SPARC: variants seen among roughly 807,000 people sequenced by gnomAD.
SPARC encodes the protein secreted protein acidic and cysteine rich.
In SPARC, 23 loss-of-function variants were observed where a neutral mutation model predicts 37.7. That is an observed-to-expected ratio of 0.61 (90% CI 0.44 to 0.87). The LOEUF is 0.87. Ranked by LOEUF, SPARC falls within the 40% of genes least tolerant of loss-of-function variation. The pLI, the probability that SPARC is intolerant of heterozygous loss-of-function variation, is 0.00. For synonymous variants in SPARC, 155 were observed against 150.8 expected (o/e 1.03, Z -0.20); for missense variants, 312 against 389.0 (o/e 0.80, Z 1.66).
At chr5:151,676,516 GT>G (rs1323962625) in intron 1 of SPARC, among the ~76,000 whole-genome samples, 3 of 151,826 alleles carry the variant, frequency 2.0e-5, no homozygotes, top group Admixed American at 6.6e-5. Flanking sequence ...AAGTTGTTTT[GT>G]TTTTTTTATG....
intron 9 of SPARC, 102 bp downstream of exon 9, chr5:151,663,985 C>A (rs879417694): frequency 2.1e-6 from 3 of 1,411,166 alleles, no homozygotes; most frequent in South Asian, 1.2e-5. Flanking sequence ...AGAGGACAGA[C>A]AACAGACAGA....
chr5:151,666,459 G>C lies in SPARC; in HGVS notation c.636C>G (p.Pro212=), dbSNP rs373711192. 6.2e-7 allele frequency: 1 copy of C among 1,614,126 alleles called. No homozygotes were observed. Among genetic ancestry groups the C allele is most frequent in the Admixed American group, 1.7e-5 (1 of 60,016 alleles). ...NEKRLEAGDH[P]VELLARDFEK... ...CGAAGTCCCGGGCCAGCAGCTCCAC[G>C]GGGTGGTCTCCTGCCTCCAGGCGCT... is the stretch of plus-strand genomic sequence containing the variant. Residue 212 remains proline (P), a synonymous_variant, in exon 8 of 10, where the codon CCC becomes CCG. Transcript: ENST00000231061.
Position 151,673,220 on chromosome 5 carries a change from G to C in SPARC, c.121-4C>G. On this transcript the variant is annotated splice_region_variant and splice_polypyrimidine_tract_variant and intron_variant, in intron 3 of 9. Coordinates refer to ENST00000231061, the MANE Select transcript of SPARC (RefSeq NM_003118.4). ...CAGGATTAGCTCCCACAGATACCTG[G>C]AATTGAGGGAGAAGAATGGGTGAAA... 1 of 1,598,082 alleles carries C rather than the reference G, an allele frequency of 6.3e-7. No individual in the cohort carries two copies. The highest frequency in any genetic ancestry group is 8.6e-7 in the Non-Finnish European group (1 of 1,165,320).
chr5:151,673,091 G>C, intron 4 of SPARC, 38 bp downstream of exon 4: 1 of 1,485,394 alleles, frequency 6.7e-7, no homozygotes, highest in South Asian at 1.1e-5. Context: ...GCAGCCAAGG[G>C]CAGCTTGGAT....
intron 3 of SPARC, among the ~76,000 whole-genome samples, chr5:151,673,695 C>A (rs1294174706): frequency 6.6e-6 from 1 of 152,168 alleles, no homozygotes; most frequent in Non-Finnish European, 1.5e-5. Context: ...AACCTGGAAG[C>A]CCTCACTTCT....
At chr5:151,670,358 A>G (rs1048842377) in intron 5 of SPARC, among the ~76,000 whole-genome samples, 9 of 152,204 alleles carry the variant, frequency 5.9e-5, no homozygotes, top group African/African-American at 1.9e-4. Context: ...AAGGGTACCT[A>G]TGTGACCAGC....
intron 1 of SPARC, chr5:151,679,607 C>T (rs1262302943): frequency 6.6e-6 from 1 of 152,610 alleles, no homozygotes; most frequent in Non-Finnish European, 1.5e-5. Context: ...GCCACTGCCT[C>T]CTGTTCCGTA....
At chr5:151,674,581 G>C in intron 3 of SPARC, 31 bp downstream of exon 3, 3 of 1,608,926 alleles carry the variant, frequency 1.9e-6, no homozygotes, top group Non-Finnish European at 2.6e-6. Context: ...GGTAGAGAGG[G>C]GCTAAGGGGC....
chr5:151,661,394 A>T lies in SPARC; in HGVS notation c.*2177T>A, dbSNP rs747623825. 1 of 152,216 alleles carries T rather than the reference A, an allele frequency of 6.6e-6. No homozygotes were observed. The highest frequency in any genetic ancestry group is 3.2e-3 in the Middle Eastern group (1 of 316). 9.4% of individuals were successfully genotyped at this position (152,216 alleles called of 1,614,324 possible). On this transcript the variant is annotated 3_prime_UTR_variant, in exon 10 of 10. Transcript: ENST00000231061. ...CAAATGGCCAGCACCAAATGGGCCA[A>T]TCTCTCCTACTGCTCGCCCTCCCAC...
chr5:151,682,663 A>G lies in SPARC; in HGVS notation c.-14+4202T>C, dbSNP rs576053842. Among the ~76,000 whole-genome samples the G allele has an allele frequency of 6.4e-4, 98 of 152,322 alleles. 3 individuals are homozygous for G. Among genetic ancestry groups the G allele is most frequent in the Admixed American group, 6.3e-3 (97 of 15,306 alleles). On this transcript the variant is annotated intron_variant, in intron 1 of 9. Transcript: ENST00000231061. ...ATGAAACCTCTGTGTGCTGCCTCTT[A>G]TTGTAGAGGTAGAGAAATTGAGGCT...
chr5:151,671,618 G>A lies in SPARC; in HGVS notation c.285C>T (p.Cys95=). The change falls in exon 5 of 10, where the codon TGC becomes TGT. Residue 95 remains cysteine, a synonymous_variant. Coordinates refer to ENST00000231061, the MANE Select transcript of SPARC (RefSeq NM_003118.4). ...LDENNTPMCV[C]QDPTSCPAPI... ...GGGCTGGGCAGCTGGTGGGGTCCTG[G>A]CACACGCACATGGGGGTGTTGTTCT... is the stretch of plus-strand genomic sequence containing the variant. 1 of 1,603,558 alleles carries A rather than the reference G, an allele frequency of 6.2e-7. No individual in the cohort carries two copies. Among genetic ancestry groups the A allele is most frequent in the Non-Finnish European group, 8.5e-7 (1 of 1,174,852 alleles).
chr5:151,668,446 C>T (rs1021793616), intron 6 of SPARC, among the ~76,000 whole-genome samples: 2 of 152,200 alleles, frequency 1.3e-5, no homozygotes, highest in Admixed American at 6.5e-5. Context: ...AGCCACCGCG[C>T]CTGACCCAGG....
At position 151,673,120 on chromosome 5, in the gene SPARC, G is replaced by A. The variant is rs778529469; in HGVS notation, c.208+9C>T. 1 of 1,607,086 alleles carries A rather than the reference G, an allele frequency of 6.2e-7. No individual in the cohort carries two copies. Among genetic ancestry groups the A allele is most frequent in the South Asian group, 1.1e-5 (1 of 90,922 alleles). On this transcript the variant is annotated intron_variant, in intron 4 of 9. Transcript: ENST00000231061. Reference sequence around the variant, plus strand: ...CTTGGATGTGCCAAGTTACAGGGAAGGGACATACTTTCCGCCACCACCTCC... The same window carrying A: ...CTTGGATGTGCCAAGTTACAGGGAAAGGACATACTTTCCGCCACCACCTCC...
Position 151,671,721 on chromosome 5 carries a change from A to G in SPARC, c.209-27T>C, listed in dbSNP as rs768819108. On this transcript the variant is annotated intron_variant, in intron 4 of 9. Transcript: ENST00000231061. ...TGTAGGGCAGAAAGACAAGGGAGTT[A>G]GCATCACCTGGACTAGCACATCCAC... is the stretch of plus-strand genomic sequence containing the variant. 5 of 1,613,100 alleles carry G rather than the reference A, an allele frequency of 3.1e-6. No individual in the cohort carries two copies. In the Admixed American group the frequency reaches 5.0e-5, roughly 16 times the overall value.
intron 7 of SPARC, among the ~76,000 whole-genome samples, chr5:151,666,887 G>A (rs1760635661): frequency 1.3e-5 from 2 of 152,190 alleles, no homozygotes; most frequent in Non-Finnish European, 2.9e-5. Flanking sequence ...TTAGCCAGGT[G>A]TGGTAGCATG....
At chr5:151,671,751 A>C (rs1006358652) in intron 4 of SPARC, 57 bp from the exon 5 acceptor site, 1 of 1,604,158 alleles carries the variant, frequency 6.2e-7, no homozygotes. Context: ...ATCCACCCCC[A>C]TCCTACCTGG....
intron 3 of SPARC, among the ~76,000 whole-genome samples, chr5:151,674,009 CTT>C (rs1561920518): frequency 2.4e-5 from 3 of 124,720 alleles, no homozygotes; most frequent in Admixed American, 7.7e-5. Context: ...TGTGTGTGTG[CTT>C]GTTTGTTTGT....
chr5:151,680,478 C>T (rs773634429), intron 1 of SPARC, among the ~76,000 whole-genome samples: 29 of 152,024 alleles, frequency 1.9e-4, no homozygotes, highest in Middle Eastern at 3.2e-3. Flanking sequence ...TCAAGCCATC[C>T]GCCCGCCTCA....
intron 5 of SPARC, among the ~76,000 whole-genome samples, chr5:151,670,229 A>G: frequency 6.6e-6 from 1 of 152,166 alleles, no homozygotes; most frequent in East Asian, 1.9e-4. Flanking sequence ...ACTGTTGTAA[A>G]TCTTTCCCTA....
Sources: gnomAD v4.1 joint callset for allele counts (sites outside exome capture counted in the v4.1 genomes callset) on GRCh38, gnomAD v4.1.1 for gene constraint, MANE v1.5 for transcripts, NCBI Gene and HGNC (gene_info 2026-07-23, HGNC 2026-07-21) for gene names.